The following DOCK8 variants were observed in gnomAD, a reference collection of about 807,000 sequenced individuals.
DOCK8 encodes the protein dedicator of cytokinesis protein 8.
Under a neutral mutation model 245.6 loss-of-function variants are expected in DOCK8, and 141 were observed. That is an observed-to-expected ratio of 0.57 (90% CI 0.50 to 0.66). DOCK8 has a LOEUF of 0.66. DOCK8 is among the 30% of genes least tolerant of loss of function. DOCK8 has a pLI of 0.00. For synonymous variants in DOCK8, 1,168 were observed against 970.2 expected (o/e 1.20, Z -3.79); for missense variants, 2,965 against 2,603.4 (o/e 1.14, Z -3.02).
At chr9:254,867 G>T (rs571834510) in intron 1 of DOCK8, among the ~76,000 whole-genome samples, 1 of 152,180 alleles carries the variant, frequency 6.6e-6, no homozygotes, top group Admixed American at 6.5e-5. Flanking sequence ...AACCCTTGGC[G>T]TTATTATAAT....
At position 296,022 on chromosome 9, in the gene DOCK8, A is replaced by G. The variant is rs536490397; in HGVS notation, c.404+6441A>G. 3.9e-5 allele frequency among the ~76,000 whole-genome samples: 6 copies of G among 152,334 alleles called. No individual in the cohort carries two copies. The East Asian group carries it at 7.7e-4, about 20-fold the overall frequency. ...TACATTGAAGGAAATGTATTTTCTT[A>G]CTTGAAATGTTTGTGTTACTTAGAC... On this transcript the variant is annotated intron_variant, in intron 4 of 47. Transcript: ENST00000432829.
chr9:334,908 C>G (rs926349489), intron 11 of DOCK8, among the ~76,000 whole-genome samples: 2 of 152,052 alleles, frequency 1.3e-5, no homozygotes, highest in East Asian at 3.9e-4. Context: ...ATGGTAAAAC[C>G]CTGTCTCTAC....
intron 2 of DOCK8, chr9:277,053 C>G: frequency 4.1e-6 from 1 of 245,412 alleles, no homozygotes; most frequent in South Asian, 3.4e-5. Context: ...CAGTGATCTG[C>G]CTGCCTTGGC....
intron 9 of DOCK8, among the ~76,000 whole-genome samples, chr9:329,578 C>T (rs1339121147): frequency 2.0e-5 from 3 of 152,156 alleles, no homozygotes; most frequent in South Asian, 4.1e-4. Context: ...TGTCAAACTT[C>T]AATGTGTCTC....
At chr9:268,245 A>G (rs2048079000) in intron 1 of DOCK8, 1 of 152,242 alleles carries the variant, frequency 6.6e-6, no homozygotes, top group South Asian at 2.1e-4. Context: ...TTGAAGTGAC[A>G]GGTTTAATTG....
chr9:310,717 T>G (rs1229164633), intron 5 of DOCK8, among the ~76,000 whole-genome samples: 1 of 152,176 alleles, frequency 6.6e-6, no homozygotes, highest in African/African-American at 2.4e-5. Context: ...CACCTCGGCC[T>G]CCCAAAGTGC....
intron 9 of DOCK8, among the ~76,000 whole-genome samples, chr9:331,350 A>C (rs2051003763): frequency 6.6e-6 from 1 of 152,144 alleles, no homozygotes; most frequent in Non-Finnish European, 1.5e-5. Context: ...GGGGGTTTTG[A>C]ACTTCTTTGA....
At chr9:305,871 G>T (rs1248271016) in intron 5 of DOCK8, among the ~76,000 whole-genome samples, 1 of 152,158 alleles carries the variant, frequency 6.6e-6, no homozygotes, top group Non-Finnish European at 1.5e-5. Flanking sequence ...AAAAGTAGAA[G>T]CAGCCCAAGT....
intron 6 of DOCK8, chr9:312,416 C>G (rs765641884): frequency 3.2e-6 from 2 of 618,584 alleles, no homozygotes; most frequent in South Asian, 3.0e-5. Flanking sequence ...AATATGTTCA[C>G]TAAGAGCATC....
Position 289,600 on chromosome 9 carries a change from A to G in DOCK8, c.404+19A>G, listed in dbSNP as rs377047353. 10 of 1,596,838 alleles carry G rather than the reference A, an allele frequency of 6.3e-6. No homozygotes were observed. Among genetic ancestry groups the G allele is most frequent in the East Asian group, 2.2e-5 (1 of 44,626 alleles). On this transcript the variant is annotated intron_variant, in intron 4 of 47. Transcript: ENST00000432829. ...ACCGGAAGTAAGTTACTTTTTTTCC[A>G]CTTTTTGTATATAAATATTAATTTT...
At chr9:434,018 G>A (rs377368703) in intron 38 of DOCK8, 43 bp downstream of exon 38, 43 of 1,438,950 alleles carry the variant, frequency 3.0e-5, no homozygotes, top group Non-Finnish European at 3.9e-5. Flanking sequence ...TTTGGGGGTC[G>A]AGGATTTGTC....
At chr9:309,154 C>T (rs2049984936) in intron 5 of DOCK8, among the ~76,000 whole-genome samples, 1 of 152,080 alleles carries the variant, frequency 6.6e-6, no homozygotes, top group African/African-American at 2.4e-5. Flanking sequence ...AGTGAAATTT[C>T]TAGATTAAGG....
At chr9:417,937 T>C (rs1416344492) in intron 29 of DOCK8, 131 bp from the exon 30 acceptor site, 3 of 1,128,352 alleles carry the variant, frequency 2.7e-6, no homozygotes, top group African/African-American at 3.1e-5. Flanking sequence ...AGCAGATACA[T>C]AATGCTAAAC....
intron 8 of DOCK8, among the ~76,000 whole-genome samples, chr9:327,170 A>G (rs2050800771): frequency 6.6e-6 from 1 of 152,110 alleles, no homozygotes. Context: ...ATATTTATTC[A>G]TACTCTAATC....
At chr9:398,293 C>T (rs1014960389) in intron 25 of DOCK8, among the ~76,000 whole-genome samples, 3 of 152,198 alleles carry the variant, frequency 2.0e-5, no homozygotes, top group Admixed American at 6.5e-5. Flanking sequence ...GTTCGAGGAC[C>T]TCTCAGCGGC....
chr9:318,981 GAGAT>G (rs772360378), intron 7 of DOCK8, among the ~76,000 whole-genome samples: 67 of 152,310 alleles, frequency 4.4e-4, no homozygotes, highest in Middle Eastern at 6.8e-3. Context: ...GTCACTAAGA[GAGAT>G]ATGTGTTATT....
rs575119044 is a variant in DOCK8 at position 233,988 on chromosome 9, G to T, written c.53+18959G>T. Among the ~76,000 whole-genome samples, 28 of 152,222 alleles carry T rather than the reference G, an allele frequency of 1.8e-4. No homozygotes were observed. The South Asian group carries it at 5.8e-3, about 32-fold the overall frequency. ...GGTTAGTTGATGCAGTTTCTTCCTA[G>T]CTTGGATGGTCTTTACAATTTGGCA... On this transcript the variant is annotated intron_variant, in intron 1 of 47. Transcript: ENST00000432829.
chr9:404,618 T>G (rs1019750249), intron 26 of DOCK8, among the ~76,000 whole-genome samples: 2 of 152,216 alleles, frequency 1.3e-5, no homozygotes, highest in Admixed American at 6.5e-5. Context: ...GGTGAAGATG[T>G]ACCTCAAGAT....
At chr9:272,413 C>G (rs1435011674) in intron 2 of DOCK8, among the ~76,000 whole-genome samples, 1 of 152,084 alleles carries the variant, frequency 6.6e-6, no homozygotes, top group Non-Finnish European at 1.5e-5. Flanking sequence ...GACAGGGTGT[C>G]AGTCTGTCAC....
Sources: gnomAD v4.1 joint callset for allele counts (sites outside exome capture counted in the v4.1 genomes callset) on GRCh38, gnomAD v4.1.1 for gene constraint, MANE v1.5 for transcripts, NCBI Gene and HGNC (gene_info 2026-07-23, HGNC 2026-07-21) for gene names.